IL1RAPL1: variants seen among roughly 807,000 people sequenced by gnomAD.
IL1RAPL1 encodes the protein interleukin-1 receptor accessory protein-like 1.
In IL1RAPL1, 3 loss-of-function variants were observed where a neutral mutation model predicts 48.4. That is an observed-to-expected ratio of 0.06 (90% CI 0.03 to 0.16). The LOEUF is 0.16. Among genes scored for constraint, IL1RAPL1 ranks in the 10% least tolerant of loss-of-function variants. The pLI is 1.00. For missense variants in IL1RAPL1, 349 were observed against 530.6 expected (o/e 0.66, Z 3.36); for synonymous variants, 185 against 187.7 (o/e 0.99, Z 0.12).
chrX:29,917,130 AT>A (rs1333405277), intron 6 of IL1RAPL1, among the ~76,000 whole-genome samples: 1 of 112,188 alleles, frequency 8.9e-6, no homozygotes, highest in African/African-American at 3.2e-5. Context: ...CGAGAAGGGC[AT>A]ATCACCTCTG....
At chrX:29,237,537 G>A (rs538724109) in intron 2 of IL1RAPL1, among the ~76,000 whole-genome samples, 1 of 112,536 alleles carries the variant, frequency 8.9e-6, no homozygotes, top group Non-Finnish European at 1.9e-5. Context: ...TTTTATTAAT[G>A]TATATTCCAT....
At chrX:29,225,822 A>G (rs1931066376) in intron 2 of IL1RAPL1, among the ~76,000 whole-genome samples, 1 of 111,908 alleles carries the variant, frequency 8.9e-6, no homozygotes, top group Admixed American at 9.5e-5. Flanking sequence ...TCCTTGAGAA[A>G]GAATTTCCTA....
chrX:28,939,277 A>T (rs1300442996), intron 2 of IL1RAPL1, among the ~76,000 whole-genome samples: 1 of 111,301 alleles, frequency 9.0e-6, no homozygotes, highest in Non-Finnish European at 1.9e-5. Flanking sequence ...GACATAGAAT[A>T]AATCTAACTG....
intron 3 of IL1RAPL1, among the ~76,000 whole-genome samples, chrX:29,319,165 T>C (rs772359957): frequency 2.3e-4 from 10 of 44,384 alleles, no homozygotes; most frequent in East Asian, 8.3e-4. Context: ...TGTCTGTCTA[T>C]CTATCTATCT....
chrX:29,609,869 G>GA (rs1217200580), intron 5 of IL1RAPL1, among the ~76,000 whole-genome samples: 3 of 111,861 alleles, frequency 2.7e-5, no homozygotes. Context: ...CAGATCTAGG[G>GA]ATCCAGGTGT....
intron 6 of IL1RAPL1, among the ~76,000 whole-genome samples, chrX:29,716,310 G>A (rs976428252): frequency 3.6e-5 from 4 of 110,923 alleles, no homozygotes; most frequent in African/African-American, 1.3e-4. Flanking sequence ...GCTTGAAGAG[G>A]ATACATACAA....
intron 2 of IL1RAPL1, among the ~76,000 whole-genome samples, chrX:28,897,717 C>T (rs1467924979): frequency 2.7e-5 from 3 of 112,042 alleles, no homozygotes; most frequent in Non-Finnish European, 5.6e-5. Flanking sequence ...CCAAATTTCA[C>T]TCGCGTCTGT....
intron 2 of IL1RAPL1, among the ~76,000 whole-genome samples, chrX:28,931,033 G>A (rs1923868558): frequency 9.0e-6 from 1 of 111,329 alleles, no homozygotes; most frequent in Non-Finnish European, 1.9e-5. Context: ...TTTTGGTGGG[G>A]TGGGTTTTTT....
rs1045066777 is a variant in IL1RAPL1, at chrX:29,499,496, A to G, written c.703+100188A>G. ...ATCCCCTCCTAGAACTGTTATTCAC[A>G]TATTTGCTACTACACACATATCAGA... On this transcript the variant is annotated intron_variant, in intron 5 of 10. Transcript: ENST00000378993. Among the ~76,000 whole-genome samples, 13 of 112,100 alleles carry G rather than the reference A, an allele frequency of 1.2e-4. No individual in the cohort carries two copies. The South Asian group carries it at 1.5e-3, about 13-fold the overall frequency.
At chrX:29,900,431 C>T (rs1251083943) in intron 6 of IL1RAPL1, among the ~76,000 whole-genome samples, 4 of 111,987 alleles carry the variant, frequency 3.6e-5, no homozygotes, top group Non-Finnish European at 3.8e-5. Context: ...AAGTGTACAG[C>T]GAATCATAAA....
intron 1 of IL1RAPL1, among the ~76,000 whole-genome samples, chrX:28,656,431 C>T (rs936583685): frequency 6.3e-5 from 7 of 111,059 alleles, no homozygotes; most frequent in African/African-American, 2.3e-4. Flanking sequence ...TTCATATATT[C>T]TCAGTGCCTT....
intron 6 of IL1RAPL1, among the ~76,000 whole-genome samples, chrX:29,768,424 C>T (rs1394673583): frequency 1.8e-5 from 2 of 111,568 alleles, no homozygotes; most frequent in East Asian, 5.6e-4. Context: ...TCTAGCTATG[C>T]AATTAGTATT....
intron 2 of IL1RAPL1, among the ~76,000 whole-genome samples, chrX:28,925,840 G>A (rs888040984): frequency 1.8e-5 from 2 of 111,620 alleles, no homozygotes; most frequent in Admixed American, 1.9e-4. Flanking sequence ...AGAATTGCTT[G>A]AACCAGGGAG....
chrX:29,906,489 ATATATATATATATATAT>A, intron 6 of IL1RAPL1, among the ~76,000 whole-genome samples: 1 of 37,772 alleles, frequency 2.6e-5, no homozygotes, highest in Non-Finnish European at 4.7e-5. Flanking sequence ...ATATATATAT[ATATATATATATATATAT>A]ATATATATAT....
intron 6 of IL1RAPL1, among the ~76,000 whole-genome samples, chrX:29,762,082 A>G (rs777179395): frequency 9.8e-5 from 11 of 112,032 alleles, no homozygotes; most frequent in African/African-American, 3.2e-4. Context: ...ATCTAAATAT[A>G]TAATTAATTA....
At chrX:28,670,595 AC>A (rs1405602256) in intron 1 of IL1RAPL1, among the ~76,000 whole-genome samples, 1 of 111,914 alleles carries the variant, frequency 8.9e-6, no homozygotes, top group African/African-American at 3.2e-5. Flanking sequence ...CCACAGCTCT[AC>A]CACCCTCTAA....
At chrX:29,526,951 G>A (rs187244764) in intron 5 of IL1RAPL1, among the ~76,000 whole-genome samples, 4 of 111,583 alleles carry the variant, frequency 3.6e-5, no homozygotes, top group Admixed American at 2.9e-4. Flanking sequence ...AAAAATATCT[G>A]GGAAAAACAC....
intron 6 of IL1RAPL1, among the ~76,000 whole-genome samples, chrX:29,680,440 C>T (rs913611437): frequency 3.6e-5 from 4 of 110,851 alleles, no homozygotes; most frequent in Non-Finnish European, 5.7e-5. Context: ...AAATTTTGGA[C>T]GGATCACTAT....
chrX:29,182,111 C>T (rs186316785), intron 2 of IL1RAPL1, among the ~76,000 whole-genome samples: 2 of 110,022 alleles, frequency 1.8e-5, no homozygotes, highest in African/African-American at 3.3e-5. Flanking sequence ...CTTGCCCCCC[C>T]CCACCCCATG....
Sources: allele counts gnomAD v4.1 joint callset (sites outside exome capture counted in the v4.1 genomes callset), GRCh38; gene constraint gnomAD v4.1.1; transcripts MANE v1.5; gene names NCBI Gene and HGNC (gene_info 2026-07-23, HGNC 2026-07-21).